The following GLIPR1 variants were observed in gnomAD, a reference collection of about 807,000 sequenced individuals.
GLIPR1 encodes glioma pathogenesis-related protein 1.
Under a neutral mutation model 30.3 loss-of-function variants are expected in GLIPR1, and 38 were observed. The observed-to-expected ratio is 1.26, with a 90% CI of 0.97 to 1.65. The LOEUF (loss-of-function observed/expected upper bound fraction) is 1.65. Among genes scored for constraint, GLIPR1 ranks in the 40% most tolerant of loss-of-function variants. The probability of loss-of-function intolerance (pLI) is 0.00; values close to 1 mark genes in which losing one functional copy is unlikely to be tolerated. For missense variants in GLIPR1, 285 were observed against 326.5 expected, an observed-to-expected ratio of 0.87 and a Z score of 0.98; for synonymous variants, 122 against 110.6, an observed-to-expected ratio of 1.10 and a Z score of -0.65.
Position 75,502,082 on chromosome 12 carries a change from G to A in GLIPR1, c.*3104G>A. On this transcript the variant is annotated 3_prime_UTR_variant, in exon 6 of 6. Coordinates refer to ENST00000266659, the MANE Select transcript of GLIPR1 (RefSeq NM_006851.3). ...CCTAAGCAAGTCACAATATCCTTAGGGTAAAAACAATGGGGTCAAACTGAT... is the reference window on the plus strand; with the variant it reads ...CCTAAGCAAGTCACAATATCCTTAGAGTAAAAACAATGGGGTCAAACTGAT... The A allele has an allele frequency of 8.9e-7, 1 of 1,125,726 alleles. No homozygotes were observed. The allele number at this position is 1,125,726 out of a possible 1,614,324, so 69.7% of individuals were successfully genotyped here.
At position 75,498,681 on chromosome 12, in the gene GLIPR1, CCT is replaced by C. The variant is rs1491044921; in HGVS notation, c.620-12_620-11del. On this transcript the variant is annotated splice_polypyrimidine_tract_variant and intron_variant, in intron 4 of 5. Coordinates refer to ENST00000266659, the MANE Select transcript of GLIPR1 (RefSeq NM_006851.3). ...CTTTTAATTTTTTTTCTTTCTTCCC[CCT>C]AACTTTACAGTTAACCGACAGCGAG... 4 of 1,608,796 alleles carry C rather than the reference CCT, an allele frequency of 2.5e-6. No individual in the cohort carries two copies. The highest frequency in any genetic ancestry group is 1.3e-5 in the African/African-American group (1 of 74,822).
At position 75,482,013 on chromosome 12, in the gene GLIPR1, T is replaced by C; in HGVS notation, c.354T>C (p.Tyr118=). The part of the protein sequence containing the change: ...FSVSSAITNW[Y]DEIQDYDFKT... The stretch of plus-strand genomic sequence containing the variant: ...TGTCTTCCGCCATCACAAACTGGTA[T>C]GACGAAATCCAGGACTATGACTTCA... Residue 118 remains tyrosine, a synonymous_variant, in exon 2 of 6, where the codon TAT becomes TAC. Transcript: ENST00000266659. 1 of 1,614,120 alleles carries C rather than the reference T, an allele frequency of 6.2e-7. No individual in the cohort carries two copies. Among genetic ancestry groups the C allele is most frequent in the Admixed American group, 1.7e-5 (1 of 60,022 alleles).
chr12:75,499,503 T>C lies in GLIPR1; in HGVS notation c.*525T>C, dbSNP rs1487026016. ...GGGATAAACCTAAATATTTACTTGT[T>C]ATCATTAGAGAGGGAACATCAAATG... On this transcript the variant is annotated 3_prime_UTR_variant, in exon 6 of 6. Transcript: ENST00000266659. 3 of 177,982 alleles carry C rather than the reference T, an allele frequency of 1.7e-5. No homozygotes were observed. 11.0% of individuals were successfully genotyped at this position (177,982 alleles called of 1,614,324 possible).
At position 75,481,994 on chromosome 12, in the gene GLIPR1, C is replaced by T. The variant is rs767699589; in HGVS notation, c.335C>T (p.Ser112Phe). Residue 112 changes from serine (S) to phenylalanine (F), a missense_variant, in exon 2 of 6, where the codon TCC becomes TTC. Transcript: ENST00000266659. ...TGSVPIFSVS[S>F]AITNWYDEIQ... ...TCTGTGCCCATTTTTTCTGTGTCTTCCGCCATCACAAACTGGTATGACGAA... is the reference window on the plus strand; with the variant it reads ...TCTGTGCCCATTTTTTCTGTGTCTTTCGCCATCACAAACTGGTATGACGAA... 6.2e-7 allele frequency: 1 copy of T among 1,614,082 alleles called. No individual in the cohort carries two copies. The highest frequency in any genetic ancestry group is 8.5e-7 in the Non-Finnish European group (1 of 1,179,968).
chr12:75,501,840 A>G lies in GLIPR1; in HGVS notation c.*2862A>G, dbSNP rs1194825623. ...GCCTACATTAATAAATAAAAAATAT[A>G]TCAGTTAAATGTATTTATAGTTAAA... On this transcript the variant is annotated 3_prime_UTR_variant, in exon 6 of 6. Transcript: ENST00000266659. 6.4e-7 allele frequency: 1 copy of G among 1,567,914 alleles called. No homozygotes were observed. The highest frequency in any genetic ancestry group is 1.1e-5 in the South Asian group (1 of 88,128).
Position 75,498,716 on chromosome 12 carries a change from C to T in GLIPR1, c.642C>T (p.Val214=). 1 of 1,612,714 alleles carries T rather than the reference C, an allele frequency of 6.2e-7. No individual in the cohort carries two copies. Among genetic ancestry groups the T allele is most frequent in the Admixed American group, 1.7e-5 (1 of 59,942 alleles). ...NLCVNRQRDQ[V]KRYYSVVYPG... The stretch of plus-strand genomic sequence containing the variant: ...CAGTTAACCGACAGCGAGACCAAGT[C>T]AAACGTACGTACATCAATCTTAAAT... Residue 214 remains valine, a synonymous_variant, in exon 5 of 6, where the codon GTC becomes GTT. Transcript: ENST00000266659.
chr12:75,481,578 G>A (rs1003560522), intron 1 of GLIPR1, among the ~76,000 whole-genome samples: 2 of 151,880 alleles, frequency 1.3e-5, no homozygotes, highest in Admixed American at 6.6e-5. Context: ...TGTGAAACAC[G>A]GCACACACTA....
chr12:75,487,546 G>C (rs1397933994), intron 2 of GLIPR1, among the ~76,000 whole-genome samples: 1 of 152,154 alleles, frequency 6.6e-6, no homozygotes, highest in African/African-American at 2.4e-5. Context: ...TTTAGATCAT[G>C]GAGTAGGGAA....
At position 75,480,800 on chromosome 12, in the gene GLIPR1, C is replaced by T. The variant is rs1423359335; in HGVS notation, c.-81C>T. Reference sequence around the variant, plus strand: ...TCGGCTAGGTTTGCAAAGCTGTGGGCTGAGCACTCAGGCAATCACACTCTC... The same window carrying T: ...TCGGCTAGGTTTGCAAAGCTGTGGGTTGAGCACTCAGGCAATCACACTCTC... On this transcript the variant is annotated 5_prime_UTR_variant, in exon 1 of 6. Transcript: ENST00000266659. 8.3e-6 allele frequency: 9 copies of T among 1,083,182 alleles called. No homozygotes were observed. In the South Asian group the frequency reaches 9.2e-5, roughly 11 times the overall value. The allele number at this position is 1,083,182 out of a possible 1,614,324, so 67.1% of individuals were successfully genotyped here.
In GLIPR1 at chr12:75,499,705, A is replaced by C; in HGVS notation, c.*727A>C. On this transcript the variant is annotated 3_prime_UTR_variant, in exon 6 of 6. Transcript: ENST00000266659. ...ATGAACAACCACCACCACCAAAAAA[A>C]AAAAAAGCCCTCAGAAAATTTCTCA... 2 of 736,368 alleles carry C rather than the reference A, an allele frequency of 2.7e-6. No homozygotes were observed. The highest frequency in any genetic ancestry group is 4.1e-6 in the Non-Finnish European group (2 of 486,088). 45.6% of individuals were successfully genotyped at this position (736,368 alleles called of 1,614,324 possible).
chr12:75,497,298 T>C (rs978193120), intron 4 of GLIPR1: 2 of 152,212 alleles, frequency 1.3e-5, no homozygotes, highest in African/African-American at 4.8e-5. Flanking sequence ...GTGATCTAAC[T>C]TGAGATGCTC....
rs1044001855 is a variant in GLIPR1, at chr12:75,502,550, C to T, written c.*3572C>T. On this transcript the variant is annotated 3_prime_UTR_variant, in exon 6 of 6. Coordinates refer to ENST00000266659, the MANE Select transcript of GLIPR1 (RefSeq NM_006851.3). Reference sequence around the variant, plus strand: ...TAAAATGTGTATAACTGACCTGTCTCCCACTTACATAGCATTATTATATCT... The same window carrying T: ...TAAAATGTGTATAACTGACCTGTCTTCCACTTACATAGCATTATTATATCT... The T allele has an allele frequency of 1.3e-5, 2 of 152,486 alleles. No individual in the cohort carries two copies. The highest frequency in any genetic ancestry group is 2.9e-5 in the Non-Finnish European group (2 of 68,254). 9.4% of individuals were successfully genotyped at this position (152,486 alleles called of 1,614,324 possible). A position where few individuals can be genotyped will look rare whatever the true frequency, so the allele number is the denominator to read the frequency against.
At chr12:75,484,158 A>C (rs1432387091) in intron 2 of GLIPR1, 1 of 152,194 alleles carries the variant, frequency 6.6e-6, no homozygotes, top group Non-Finnish European at 1.5e-5. Flanking sequence ...TTAAAACCCA[A>C]GCTCAGTGAT....
rs1482969307 is a variant in GLIPR1 at position 75,490,581 on chromosome 12, A to T, written c.533+63A>T. The stretch of plus-strand genomic sequence containing the variant: ...CCCCCCCCCCGCAAAAAAAAACAAC[A>T]ACAAAAAAAAACATTTTAGCAGTAT... On this transcript the variant is annotated intron_variant, in intron 3 of 5. Coordinates refer to ENST00000266659, the MANE Select transcript of GLIPR1 (RefSeq NM_006851.3). 15 of 235,364 alleles carry T rather than the reference A, an allele frequency of 6.4e-5. 3 individuals are homozygous for T. The highest frequency in any genetic ancestry group is 1.1e-4 in the Non-Finnish European group (14 of 131,236). The allele number at this position is 235,364 out of a possible 1,614,324, so 14.6% of individuals were successfully genotyped here. A position where few individuals can be genotyped will look rare whatever the true frequency, so the allele number is the denominator to read the frequency against.
At position 75,498,710 on chromosome 12, in the gene GLIPR1, C is replaced by A; in HGVS notation, c.636C>A (p.Asp212Glu). Residue 212 changes from aspartate to glutamate, a missense_variant, in exon 5 of 6, where the codon GAC (aspartate) becomes GAA (glutamate). Transcript: ENST00000266659. ...ACTTTACAGTTAACCGACAGCGAGA[C>A]CAAGTCAAACGTACGTACATCAATC... ...LDNLCVNRQR[D>E]QVKRYYSVVY... 2 of 1,612,716 alleles carry A rather than the reference C, an allele frequency of 1.2e-6. No individual in the cohort carries two copies. The highest frequency in any genetic ancestry group is 1.7e-6 in the Non-Finnish European group (2 of 1,179,042).
rs1460078062 is a variant in GLIPR1 at position 75,500,183 on chromosome 12, C to CAAGTATACATA, written c.*1208_*1218dup. On this transcript the variant is annotated 3_prime_UTR_variant, in exon 6 of 6. Transcript: ENST00000266659. ...TCATAAAATACTTTATATATTAGTACAAGTATACATAAAAATGGCATAAAT... is the reference window on the plus strand; with the variant it reads ...TCATAAAATACTTTATATATTAGTACAAGTATACATAAAGTATACATAAAAATGGCATAAAT... The CAAGTATACATA allele has an allele frequency of 3.4e-6, 1 of 290,480 alleles. No homozygotes were observed. Among genetic ancestry groups the CAAGTATACATA allele is most frequent in the East Asian group, 6.4e-5 (1 of 15,538 alleles). 18.0% of individuals were successfully genotyped at this position (290,480 alleles called of 1,614,324 possible).
intron 4 of GLIPR1, chr12:75,495,934 C>T (rs1205006509): frequency 2.4e-5 from 6 of 247,170 alleles, no homozygotes; most frequent in Non-Finnish European, 3.8e-5. Flanking sequence ...CTAAGATTTG[C>T]TTATTTCAGC....
intron 3 of GLIPR1, chr12:75,495,053 T>C (rs542540903): frequency 1.3e-5 from 2 of 152,308 alleles, no homozygotes; most frequent in Non-Finnish European, 2.9e-5. Context: ...CATACCATTA[T>C]TTATTATTTT....
chr12:75,494,509 A>G (rs1248686648), intron 3 of GLIPR1: 1 of 152,176 alleles, frequency 6.6e-6, no homozygotes, highest in Non-Finnish European at 1.5e-5. Flanking sequence ...CTTAATAGAG[A>G]AGCACATATT....
Sources: gnomAD v4.1 joint callset for allele counts (sites outside exome capture counted in the v4.1 genomes callset) on GRCh38, gnomAD v4.1.1 for gene constraint, MANE v1.5 for transcripts, NCBI Gene and HGNC (gene_info 2026-07-23, HGNC 2026-07-21) for gene names.